Variants in ESR2 observed in about 807,000 individuals in gnomAD.
The protein encoded by ESR2 is estrogen receptor beta.
Under a neutral mutation model 49.6 loss-of-function variants are expected in ESR2, and 36 were observed. The ratio of observed to expected loss-of-function variants is 0.73; its 90% CI spans 0.56 to 0.96. ESR2 has a LOEUF of 0.96. Ranked by LOEUF, ESR2 falls within the 40% of genes least tolerant of loss-of-function variation. The probability of loss-of-function intolerance (pLI) is 0.00; values close to 1 mark genes in which losing one functional copy is unlikely to be tolerated. For synonymous variants in ESR2, 320 were observed against 266.1 expected (o/e 1.20, Z -1.97); for missense variants, 714 against 693.0 (o/e 1.03, Z -0.34).
At chr14:64,326,182 C>G (rs1007426688) in intron 1 of ESR2, among the ~76,000 whole-genome samples, 3 of 152,112 alleles carry the variant, frequency 2.0e-5, no homozygotes, top group African/African-American at 4.8e-5. Flanking sequence ...AACACTTCCT[C>G]AGTACTATTT....
intron 1 of ESR2, among the ~76,000 whole-genome samples, chr14:64,285,593 C>T (rs10142387): frequency 0.017 from 2,590 of 151,868 alleles, 77 homozygotes; most frequent in African/African-American, 0.058. Flanking sequence ...TTTGGGAGGC[C>T]GAGGTGGGTG....
chr14:64,227,769 C>T, downstream of ESR2: 2 of 1,537,636 alleles, frequency 1.3e-6, no homozygotes, highest in Admixed American at 4.1e-5. Flanking sequence ...GCCACTGCAG[C>T]TTCTTTCACT....
intron 1 of ESR2, among the ~76,000 whole-genome samples, chr14:64,328,424 A>C (rs2077415591): frequency 6.6e-6 from 1 of 152,188 alleles, no homozygotes; most frequent in Non-Finnish European, 1.5e-5. Context: ...GTCTCAAAAA[A>C]AAAAAAAGAT....
intron 5 of ESR2, among the ~76,000 whole-genome samples, chr14:64,259,345 C>A (rs1251029151): frequency 6.6e-6 from 1 of 152,234 alleles, no homozygotes; most frequent in African/African-American, 2.4e-5. Context: ...CAGCTTCTCA[C>A]CCCTCCTCAT....
chr14:64,280,767 TG>T (rs761939019), intron 2 of ESR2, among the ~76,000 whole-genome samples: 1 of 152,230 alleles, frequency 6.6e-6, no homozygotes, highest in South Asian at 2.1e-4. Context: ...CCTAGCACAT[TG>T]GGGAGCCAAG....
intron 6 of ESR2, among the ~76,000 whole-genome samples, chr14:64,256,051 G>C (rs889114080): frequency 5.3e-5 from 8 of 152,234 alleles, no homozygotes; most frequent in African/African-American, 1.7e-4. Flanking sequence ...GGATTATAAT[G>C]CAAGAGTTGG....
intron 1 of ESR2, among the ~76,000 whole-genome samples, chr14:64,290,848 C>T (rs1364254847): frequency 6.6e-6 from 1 of 152,038 alleles, no homozygotes; most frequent in African/African-American, 2.4e-5. Flanking sequence ...ATAAGGAAAC[C>T]CTGTTTCCTT....
intron 1 of ESR2, chr14:64,337,875 C>T (rs914954557): frequency 6.6e-6 from 1 of 152,184 alleles, no homozygotes; most frequent in Non-Finnish European, 1.5e-5. Flanking sequence ...CTGGTCAAGT[C>T]CTAAGTGACC....
chr14:64,300,540 G>A (rs1012308913), intron 1 of ESR2, among the ~76,000 whole-genome samples: 1 of 152,012 alleles, frequency 6.6e-6, no homozygotes, highest in African/African-American at 2.4e-5. Context: ...TGAGAGGATC[G>A]CTCGAGCCCA....
intron 1 of ESR2, among the ~76,000 whole-genome samples, chr14:64,287,473 G>T (rs1480179697): frequency 2.6e-5 from 4 of 152,224 alleles, no homozygotes; most frequent in African/African-American, 9.7e-5. Context: ...CTGACTTCTG[G>T]AGAGTCATTA....
chr14:64,275,912 A>C (rs975034002), intron 3 of ESR2, among the ~76,000 whole-genome samples: 1 of 152,198 alleles, frequency 6.6e-6, no homozygotes, highest in Non-Finnish European at 1.5e-5. Flanking sequence ...ATTGGCTCCC[A>C]TATTTTAAAT....
intron 5 of ESR2, among the ~76,000 whole-genome samples, chr14:64,258,210 AAAAT>A (rs142382720): frequency 0.58 from 87,350 of 150,584 alleles, 27,118 homozygotes; most frequent in African/African-American, 0.82. Context: ...CCCTGTCTCA[AAAAT>A]AAATAAATAA....
At chr14:64,274,763 T>TA (rs2076523236) in intron 3 of ESR2, among the ~76,000 whole-genome samples, 1 of 152,216 alleles carries the variant, frequency 6.6e-6, no homozygotes, top group Non-Finnish European at 1.5e-5. Flanking sequence ...TTCCTCTTAG[T>TA]ACTGCTTTCA....
intron 4 of ESR2, among the ~76,000 whole-genome samples, chr14:64,260,976 C>A (rs958091170): frequency 2.2e-5 from 3 of 138,278 alleles, no homozygotes; most frequent in African/African-American, 5.2e-5. Flanking sequence ...GCTCATAAAC[C>A]TGTTTCCAAA....
rs1256030 is a variant in ESR2 at position 64,280,452 on chromosome 14, A to G, written c.363-299T>C. 0.6 allele frequency among the ~76,000 whole-genome samples: 90,606 copies of G among 151,972 alleles called. 27,735 individuals carry two copies. The highest frequency in any genetic ancestry group is 0.73 in the African/African-American group (30,094 of 41,468). ...AGACCAGTCATAGCCATGGGGTGGG[A>G]GCTACATCTCTAAGTGTAATGAAAG... On this transcript the variant is annotated intron_variant, in intron 2 of 8. Coordinates refer to ENST00000341099, the MANE Select transcript of ESR2 (RefSeq NM_001437.3).
In ESR2 at chr14:64,235,081, G is replaced by T. The variant is rs211694397; in HGVS notation, c.1295C>A (p.Ala432Asp). The T allele has an allele frequency of 6.2e-7, 1 of 1,614,210 alleles. No individual in the cohort carries two copies. Among genetic ancestry groups the T allele is most frequent in the South Asian group, 1.1e-5 (1 of 91,092 alleles). The change falls in exon 8 of 9, where the codon GCC becomes GAC. Residue 432 changes from alanine to aspartate, a missense_variant. Physicochemically the swap from Ala to Asp is moderately radical, Grantham distance 126. Coordinates refer to ENST00000341099, the MANE Select transcript of ESR2 (RefSeq NM_001437.3). Reference protein sequence around the residue: ...SSRKLAHLLNAVTDALVWVIA... With the variant: ...SSRKLAHLLNDVTDALVWVIA... ...CACCCAAACCAAAGCATCGGTCACG[G>T]CGTTCAGCAAGTGAGCCAGCTTCCG...
chr14:64,250,325 CCAAGGATTATCTTCAAG>C (rs1170269134), intron 6 of ESR2, among the ~76,000 whole-genome samples: 1 of 152,096 alleles, frequency 6.6e-6, no homozygotes, highest in Non-Finnish European at 1.5e-5. Flanking sequence ...TTTTGACTTG[CCAAGGATTATCTTCAAG>C]CAAGGATTAT....
chr14:64,309,242 G>A (rs532381066), intron 1 of ESR2, among the ~76,000 whole-genome samples: 1 of 152,284 alleles, frequency 6.6e-6, no homozygotes, highest in South Asian at 2.1e-4. Context: ...AAGAGAGTAT[G>A]TTATCTAAGC....
chr14:64,337,251 G>A (rs2077542941), intron 1 of ESR2: 1 of 152,232 alleles, frequency 6.6e-6, no homozygotes, highest in African/African-American at 2.4e-5. Flanking sequence ...CCCAGGCACA[G>A]GTATGCAGCT....
Sources: allele counts gnomAD v4.1 joint callset (sites outside exome capture counted in the v4.1 genomes callset), GRCh38; gene constraint gnomAD v4.1.1; transcripts MANE v1.5; gene names NCBI Gene and HGNC (gene_info 2026-07-23, HGNC 2026-07-21).